Variants in ZNF469 observed in about 807,000 individuals in gnomAD.
The protein encoded by ZNF469 is zinc finger protein 469.
A neutral mutation model predicts 1.0 loss-of-function variants in ZNF469; 1 was observed. That is an observed-to-expected ratio of 1.00 (90% CI 0.35 to 4.73). The LOEUF is 4.73. ZNF469 is among the 30% of genes most tolerant of loss of function. The pLI, the probability that ZNF469 is intolerant of heterozygous loss-of-function variation, is 0.16. For synonymous variants in ZNF469, 2,703 were observed against 2,363.4 expected, an observed-to-expected ratio of 1.14 and a Z score of -4.17; for missense variants, 6,100 against 5,356.3, an observed-to-expected ratio of 1.14 and a Z score of -4.33.
chr16:88,257,759 G>C, the ZNF469 span, among the ~76,000 whole-genome samples: 1 of 152,184 alleles, frequency 6.6e-6, no homozygotes, highest in African/African-American at 2.4e-5. Flanking sequence ...GGGAAGGTCA[G>C]TAACTTGGAC....
the ZNF469 span, among the ~76,000 whole-genome samples, chr16:88,193,192 GTGGTGA>G: frequency 1.3e-4 from 13 of 101,798 alleles, no homozygotes; most frequent in Admixed American, 5.9e-4. Context: ...GATGGTGGTG[GTGGTGA>G]TGGTGGTGGG....
the ZNF469 span, among the ~76,000 whole-genome samples, chr16:88,150,234 C>T: frequency 4.3e-3 from 650 of 152,070 alleles, 2 homozygotes; most frequent in African/African-American, 0.015. Flanking sequence ...CGCTTGAACC[C>T]GAGAGGCGGA....
the ZNF469 span, among the ~76,000 whole-genome samples, chr16:88,290,386 T>C: frequency 6.6e-6 from 1 of 152,094 alleles, no homozygotes; most frequent in African/African-American, 2.4e-5. Flanking sequence ...TTGGGAGCCT[T>C]TCGAAAGTCT....
the ZNF469 span, among the ~76,000 whole-genome samples, chr16:88,338,159 G>A: frequency 2.6e-5 from 4 of 151,508 alleles, no homozygotes; most frequent in Non-Finnish European, 4.4e-5. Context: ...ACCCTCCAGC[G>A]CTGCCAATCG....
At chr16:88,107,726 C>G in the ZNF469 span, among the ~76,000 whole-genome samples, 2 of 152,206 alleles carry the variant, frequency 1.3e-5, no homozygotes, top group African/African-American at 4.8e-5. Flanking sequence ...GACATAGACG[C>G]GGAGGCAGAG....
In ZNF469 at chr16:88,435,987, T is replaced by A; in HGVS notation, c.8517T>A (p.Pro2839=). 2.6e-6 allele frequency: 4 copies of A among 1,547,266 alleles called. No homozygotes were observed. The highest frequency in any genetic ancestry group is 8.7e-7 in the Non-Finnish European group (1 of 1,145,416). ...TCCAGGGGCCTGAAGGCCCCACTCC[T>A]GATGCCTCTGGCTCCAGTGCCAAGG... is the stretch of plus-strand genomic sequence containing the variant. ...GGVQGPEGPT[P]DASGSSAKDP... The change falls in exon 3 of 3, where the codon CCT becomes CCA. Residue 2839 remains proline (P), a synonymous_variant. Coordinates refer to ENST00000565624, the MANE Select transcript of ZNF469 (RefSeq NM_001367624.2).
chr16:88,420,337 C>T (rs1301391449), intron 1 of ZNF469, among the ~76,000 whole-genome samples: 1 of 152,100 alleles, frequency 6.6e-6, no homozygotes, highest in Non-Finnish European at 1.5e-5. Context: ...GGGCTGGGAC[C>T]GTTCACAAGG....
the ZNF469 span, among the ~76,000 whole-genome samples, chr16:88,260,063 C>T: frequency 6.6e-6 from 1 of 151,884 alleles, no homozygotes; most frequent in Non-Finnish European, 1.5e-5. The surrounding 1 kb of genome is among the most constrained non-coding windows in gnomAD (Gnocchi z 4.1). Flanking sequence ...CTGAAACCTC[C>T]GCCTCCCGGG....
the ZNF469 span, among the ~76,000 whole-genome samples, chr16:88,274,130 A>G: frequency 1.8e-3 from 268 of 152,194 alleles, no homozygotes; most frequent in African/African-American, 6.0e-3. Flanking sequence ...GCCTTAAGAA[A>G]CTCTGACACA....
chr16:88,278,657 G>A, the ZNF469 span, among the ~76,000 whole-genome samples: 6 of 135,780 alleles, frequency 4.4e-5, 1 homozygote, highest in Admixed American at 4.7e-4. Context: ...GCCTCACGCC[G>A]ATGCTCGGTC....
At chr16:88,388,994 AG>A (rs1226521123) in intron 1 of ZNF469, among the ~76,000 whole-genome samples, 4 of 152,228 alleles carry the variant, frequency 2.6e-5, no homozygotes, top group African/African-American at 4.8e-5. Context: ...CCTTCGCTGT[AG>A]GAACCTTTTC....
the ZNF469 span, among the ~76,000 whole-genome samples, chr16:88,138,358 C>A: frequency 2.0e-5 from 3 of 152,218 alleles, no homozygotes; most frequent in Admixed American, 2.0e-4. Flanking sequence ...AAAGTCTTGG[C>A]AGGGGATGTG....
chr16:88,398,379 G>A, intron 1 of ZNF469, among the ~76,000 whole-genome samples: 1 of 151,468 alleles, frequency 6.6e-6, no homozygotes, highest in East Asian at 1.9e-4. Flanking sequence ...GGACCCGTGA[G>A]CCACGGATGA....
chr16:88,213,547 T>C, the ZNF469 span, among the ~76,000 whole-genome samples: 4 of 152,226 alleles, frequency 2.6e-5, no homozygotes, highest in Admixed American at 2.0e-4. Flanking sequence ...GGGGTGAGCA[T>C]GGAGAAGGAC....
chr16:88,359,317 C>T, the ZNF469 span, among the ~76,000 whole-genome samples: 42 of 151,834 alleles, frequency 2.8e-4, no homozygotes, highest in African/African-American at 9.4e-4. Flanking sequence ...CGGTATCCTG[C>T]CCGCATTTGC....
chr16:88,330,726 C>G, the ZNF469 span, among the ~76,000 whole-genome samples: 2 of 152,184 alleles, frequency 1.3e-5, no homozygotes, highest in South Asian at 2.1e-4. Flanking sequence ...CTGGCCCTCC[C>G]ATGATCTCTC....
At chr16:88,311,136 G>C in the ZNF469 span, among the ~76,000 whole-genome samples, 1 of 152,218 alleles carries the variant, frequency 6.6e-6, no homozygotes. Flanking sequence ...ATTGTCTAGT[G>C]TTTTTCTCAT....
the ZNF469 span, among the ~76,000 whole-genome samples, chr16:88,332,559 A>G: frequency 6.6e-6 from 1 of 152,266 alleles, no homozygotes. Flanking sequence ...GGTTTGGGCC[A>G]TTCCAGAAGA....
the ZNF469 span, among the ~76,000 whole-genome samples, chr16:88,272,053 A>G: frequency 6.6e-6 from 1 of 151,604 alleles, no homozygotes; most frequent in African/African-American, 2.4e-5. Context: ...AACTGGGGAT[A>G]AATAGGTGGG....
Sources: gnomAD v4.1 joint callset for allele counts (sites outside exome capture counted in the v4.1 genomes callset) on GRCh38, gnomAD v4.1.1 for gene constraint, Gnocchi (gnomAD v3.1) non-coding constraint, MANE v1.5 for transcripts, NCBI Gene and HGNC (gene_info 2026-07-23, HGNC 2026-07-21) for gene names.